MDGA2: variants seen among roughly 807,000 people sequenced by gnomAD.
MDGA2 encodes the protein MAM domain containing glycosylphosphatidylinositol anchor 2.
A neutral mutation model predicts 117.8 loss-of-function variants in MDGA2; 40 were observed. The observed-to-expected ratio is 0.34, with a 90% CI of 0.26 to 0.44. MDGA2 has a LOEUF of 0.44. Ranked by LOEUF, MDGA2 falls within the 20% of genes least tolerant of loss-of-function variation. MDGA2 has a pLI of 1.00. For missense variants in MDGA2, 1,123 were observed against 1,250.6 expected, an observed-to-expected ratio of 0.90 and a Z score of 1.54; for synonymous variants, 452 against 439.0, an observed-to-expected ratio of 1.03 and a Z score of -0.37.
At chr14:46,864,551 T>TG (rs1881655199) in intron 14 of MDGA2, among the ~76,000 whole-genome samples, 1 of 35,084 alleles carries the variant, frequency 2.9e-5, no homozygotes, top group South Asian at 1.6e-3. Context: ...TGCTGTTTTT[T>TG]TTTTTTTTTT....
chr14:47,107,517 A>G (rs1468846756), intron 5 of MDGA2, among the ~76,000 whole-genome samples: 3 of 152,036 alleles, frequency 2.0e-5, no homozygotes, highest in Non-Finnish European at 1.5e-5. Context: ...ACATCCATCA[A>G]GCTCAGCAAA....
chr14:46,986,306 T>C (rs1157761782), intron 8 of MDGA2, among the ~76,000 whole-genome samples: 2 of 152,094 alleles, frequency 1.3e-5, no homozygotes, highest in Non-Finnish European at 2.9e-5. Context: ...ATCAGCTACC[T>C]CTACATCTGT....
At chr14:47,039,094 G>A (rs985546768) in intron 7 of MDGA2, among the ~76,000 whole-genome samples, 2 of 152,028 alleles carry the variant, frequency 1.3e-5, no homozygotes, top group African/African-American at 4.8e-5. Context: ...CTATCTCTAA[G>A]AATTACTCAA....
chr14:47,130,262 T>A (rs536038534), intron 5 of MDGA2, among the ~76,000 whole-genome samples: 1 of 152,224 alleles, frequency 6.6e-6, no homozygotes, highest in East Asian at 1.9e-4. Context: ...CTTGAATTGA[T>A]TTTTGTATAA....
At chr14:47,173,911 C>CAT (rs1884307499) in intron 3 of MDGA2, among the ~76,000 whole-genome samples, 3 of 151,760 alleles carry the variant, frequency 2.0e-5, no homozygotes, top group Non-Finnish European at 4.4e-5. Flanking sequence ...CCAGCTCATG[C>CAT]GCAGAGACAC....
At chr14:47,356,034 C>G (rs1384509631) in intron 1 of MDGA2, among the ~76,000 whole-genome samples, 1 of 152,102 alleles carries the variant, frequency 6.6e-6, no homozygotes, top group African/African-American at 2.4e-5. Context: ...CTGGCCTCAC[C>G]CTGGACCAGC....
intron 1 of MDGA2, among the ~76,000 whole-genome samples, chr14:47,531,326 C>T (rs1895095793): frequency 6.6e-6 from 1 of 152,092 alleles, no homozygotes; most frequent in Non-Finnish European, 1.5e-5. Context: ...TGGTATTTCT[C>T]CTTTAGAAAG....
intron 2 of MDGA2, among the ~76,000 whole-genome samples, chr14:47,227,164 T>C (rs1335386674): frequency 6.6e-6 from 1 of 152,136 alleles, no homozygotes; most frequent in African/African-American, 2.4e-5. Flanking sequence ...ACCCTTCCTA[T>C]ATGTTACCTC....
intron 1 of MDGA2, among the ~76,000 whole-genome samples, chr14:47,455,990 C>T (rs1421333438): frequency 6.6e-6 from 1 of 151,116 alleles, no homozygotes; most frequent in Non-Finnish European, 1.5e-5. Flanking sequence ...AAGTGAGACT[C>T]TGTCTCAAAA....
intron 1 of MDGA2, among the ~76,000 whole-genome samples, chr14:47,531,113 T>C (rs1895090271): frequency 6.6e-6 from 1 of 151,954 alleles, no homozygotes; most frequent in African/African-American, 2.4e-5. Flanking sequence ...GGCGTGGTGG[T>C]GGGCGCCTGT....
chr14:47,020,432 T>A (rs999368914), intron 8 of MDGA2, among the ~76,000 whole-genome samples: 13 of 152,208 alleles, frequency 8.5e-5, no homozygotes, highest in Admixed American at 8.5e-4. Flanking sequence ...AGATCGGGAA[T>A]GTCTTATGTA....
Position 47,041,302 on chromosome 14 carries a change from T to A in MDGA2, c.1526-5998A>T, listed in dbSNP as rs577244557. The stretch of plus-strand genomic sequence containing the variant: ...AGAGGAAAGAGGCAATTTGAAGACA[T>A]GAAATTTAATTTTATCATTTGGTTT... On this transcript the variant is annotated intron_variant, in intron 7 of 16. Transcript: ENST00000399232. Among the ~76,000 whole-genome samples, 14 of 152,222 alleles carry A rather than the reference T, an allele frequency of 9.2e-5. No homozygotes were observed. The South Asian group carries it at 2.7e-3, about 29-fold the overall frequency.
At chr14:47,065,854 C>G (rs1415643494) in intron 6 of MDGA2, among the ~76,000 whole-genome samples, 1 of 152,120 alleles carries the variant, frequency 6.6e-6, no homozygotes, top group Non-Finnish European at 1.5e-5. Context: ...GCTGAAAAGA[C>G]TCTCTAAATC....
At chr14:47,587,335 A>G (rs1350168004) in intron 1 of MDGA2, among the ~76,000 whole-genome samples, 2 of 151,900 alleles carry the variant, frequency 1.3e-5, no homozygotes, top group Non-Finnish European at 2.9e-5. Flanking sequence ...TTTGGAATAT[A>G]TATTTATTAC....
At chr14:47,029,292 G>T (rs190579461) in intron 8 of MDGA2, among the ~76,000 whole-genome samples, 1 of 152,130 alleles carries the variant, frequency 6.6e-6, no homozygotes, top group Admixed American at 6.6e-5. Flanking sequence ...CACCTAATTT[G>T]GTCTTGCTTG....
chr14:47,374,186 C>A (rs774544406), intron 1 of MDGA2, among the ~76,000 whole-genome samples: 3 of 152,012 alleles, frequency 2.0e-5, no homozygotes, highest in Non-Finnish European at 2.9e-5. Context: ...ATATAATACA[C>A]CAACATTTCC....
chr14:47,148,854 C>T (rs1883051030), intron 3 of MDGA2, among the ~76,000 whole-genome samples: 1 of 152,192 alleles, frequency 6.6e-6, no homozygotes, highest in Non-Finnish European at 1.5e-5. Context: ...CTTACTCACC[C>T]ATTTTTAATT....
chr14:47,043,333 C>T (rs1889144232), intron 7 of MDGA2, among the ~76,000 whole-genome samples: 1 of 152,012 alleles, frequency 6.6e-6, no homozygotes, highest in African/African-American at 2.4e-5. Flanking sequence ...TGGATACTTA[C>T]TAGAAACAAT....
At chr14:47,512,021 A>C (rs1243870600) in intron 1 of MDGA2, among the ~76,000 whole-genome samples, 1 of 152,204 alleles carries the variant, frequency 6.6e-6, no homozygotes, top group Non-Finnish European at 1.5e-5. Flanking sequence ...AATAACCCAC[A>C]AACAGTAAAC....
Sources: gnomAD v4.1 joint callset for allele counts (sites outside exome capture counted in the v4.1 genomes callset) on GRCh38, gnomAD v4.1.1 for gene constraint, MANE v1.5 for transcripts, NCBI Gene and HGNC (gene_info 2026-07-23, HGNC 2026-07-21) for gene names.